The following DAB1 variants were observed in gnomAD, a reference collection of about 807,000 sequenced individuals.
DAB1 encodes disabled homolog 1.
A neutral mutation model predicts 64.6 loss-of-function variants in DAB1; 15 were observed. That is an observed-to-expected ratio of 0.23 (90% CI 0.16 to 0.36). DAB1 has a LOEUF of 0.36. DAB1 is among the 10% of genes least tolerant of loss of function. The pLI, the probability that DAB1 is intolerant of heterozygous loss-of-function variation, is 1.00. For missense variants in DAB1, 596 were observed against 706.7 expected, an observed-to-expected ratio of 0.84 and a Z score of 1.78; for synonymous variants, 235 against 251.9, an observed-to-expected ratio of 0.93 and a Z score of 0.64.
intron 6 of DAB1, among the ~76,000 whole-genome samples, chr1:57,787,971 A>G (rs1297933822): frequency 7.4e-6 from 1 of 134,990 alleles, no homozygotes; most frequent in Non-Finnish European, 1.6e-5. Context: ...ACCACTGCAT[A>G]CCTATTATGA....
chr1:57,849,582 T>G (rs1044875691), intron 1 of DAB1, among the ~76,000 whole-genome samples: 6 of 152,196 alleles, frequency 3.9e-5, no homozygotes, highest in African/African-American at 1.4e-4. Context: ...TTTCCCACTT[T>G]TAGAAAAGAA....
At chr1:58,461,135 G>C (rs1338326276) in intron 3 of DAB1, among the ~76,000 whole-genome samples, 1 of 152,126 alleles carries the variant, frequency 6.6e-6, no homozygotes, top group Admixed American at 6.5e-5. Flanking sequence ...TCTTCCATTA[G>C]TAAATTATTT....
intron 1 of DAB1, among the ~76,000 whole-genome samples, chr1:57,321,846 T>A (rs12128305): frequency 0.24 from 37,194 of 152,020 alleles, 5,782 homozygotes; most frequent in Non-Finnish European, 0.36. Flanking sequence ...ACCAACAAAA[T>A]TTTGCTCATC....
intron 5 of DAB1, among the ~76,000 whole-genome samples, chr1:58,092,591 A>C (rs1650735471): frequency 6.6e-6 from 1 of 152,208 alleles, no homozygotes; most frequent in Admixed American, 6.5e-5. Flanking sequence ...TTCATGGGCC[A>C]GGATTGTATC....
intron 4 of DAB1, among the ~76,000 whole-genome samples, chr1:58,280,556 T>A (rs1661533851): frequency 6.6e-6 from 1 of 152,228 alleles, no homozygotes; most frequent in Admixed American, 6.5e-5. Context: ...CTGACATACT[T>A]GGTAATTACC....
At chr1:57,206,999 G>A (rs752278931) in intron 2 of DAB1, among the ~76,000 whole-genome samples, 22 of 50,552 alleles carry the variant, frequency 4.4e-4, no homozygotes, top group Non-Finnish European at 5.6e-4. Flanking sequence ...TTGGAGTTTC[G>A]CTCTTGTTGC....
At chr1:58,252,057 T>C (rs554252658) in intron 4 of DAB1, among the ~76,000 whole-genome samples, 2 of 152,336 alleles carry the variant, frequency 1.3e-5, no homozygotes, top group Admixed American at 6.5e-5. Flanking sequence ...CTGGAAAATA[T>C]AAATAATAAT....
chr1:57,955,754 T>C (rs776246072), intron 5 of DAB1, among the ~76,000 whole-genome samples: 4 of 151,924 alleles, frequency 2.6e-5, no homozygotes, highest in Non-Finnish European at 1.5e-5. Flanking sequence ...ATGAGCTCCA[T>C]TGAGGTTTAA....
intron 2 of DAB1, among the ~76,000 whole-genome samples, chr1:57,210,289 C>A (rs1665901015): frequency 6.6e-6 from 1 of 151,950 alleles, no homozygotes; most frequent in Admixed American, 6.6e-5. Context: ...TTAAAAATAA[C>A]CAAAAGCACA....
chr1:58,467,039 T>A (rs997355700), intron 3 of DAB1, among the ~76,000 whole-genome samples: 2 of 152,208 alleles, frequency 1.3e-5, no homozygotes, highest in Non-Finnish European at 1.5e-5. Context: ...ATGTAGTGCC[T>A]CCCAGGGGAC....
At chr1:58,448,053 C>T (rs537215255) in intron 3 of DAB1, among the ~76,000 whole-genome samples, 11 of 152,222 alleles carry the variant, frequency 7.2e-5, no homozygotes, top group African/African-American at 2.4e-4. Flanking sequence ...CCAGGCATCA[C>T]ATAAGATAAC....
intron 4 of DAB1, among the ~76,000 whole-genome samples, chr1:58,313,819 A>ATGTGTGTGTGTG (rs35817738): frequency 5.0e-4 from 60 of 120,032 alleles, no homozygotes; most frequent in African/African-American, 1.6e-3. Context: ...TTGTATCTTC[A>ATGTGTGTGTGTG]TGTGTGTGTG....
chr1:57,263,747 T>C (rs1346557734), intron 2 of DAB1, among the ~76,000 whole-genome samples: 1 of 152,230 alleles, frequency 6.6e-6, no homozygotes, highest in Non-Finnish European at 1.5e-5. Flanking sequence ...GGATGTCATT[T>C]AGTCGGAGCC....
chr1:58,505,617 C>CT (rs551570340), intron 3 of DAB1, among the ~76,000 whole-genome samples: 31 of 151,756 alleles, frequency 2.0e-4, no homozygotes, highest in Non-Finnish European at 3.7e-4. Flanking sequence ...ATTTTTTTTC[C>CT]TAAAAAAACA....
At chr1:57,057,624 T>G (rs1649911481) in intron 9 of DAB1, among the ~76,000 whole-genome samples, 3 of 150,936 alleles carry the variant, frequency 2.0e-5, no homozygotes. Context: ...TTTTTTTTTT[T>G]GGAGACAGAG....
chr1:57,468,246 C>T (rs1449943061), intron 7 of DAB1, among the ~76,000 whole-genome samples: 1 of 152,010 alleles, frequency 6.6e-6, no homozygotes, highest in Non-Finnish European at 1.5e-5. Flanking sequence ...GGAGAAAGGG[C>T]ATTGTAGGGG....
At chr1:57,644,858 G>T (rs931252207) in intron 7 of DAB1, among the ~76,000 whole-genome samples, 8 of 152,264 alleles carry the variant, frequency 5.3e-5, no homozygotes, top group Non-Finnish European at 1.2e-4. Flanking sequence ...ATTGAGAGCA[G>T]TTCAGAATCC....
intron 6 of DAB1, among the ~76,000 whole-genome samples, chr1:57,658,340 G>C (rs1327640500): frequency 7.7e-6 from 1 of 130,146 alleles, no homozygotes; most frequent in Non-Finnish European, 1.6e-5. Context: ...GAGTCTCACT[G>C]TCGCCCAGGC....
At chr1:58,132,810 A>G (rs998797528) in intron 5 of DAB1, among the ~76,000 whole-genome samples, 21 of 152,174 alleles carry the variant, frequency 1.4e-4, no homozygotes, top group African/African-American at 4.6e-4. Flanking sequence ...CTGTAGCCTA[A>G]TAGGAGACTG....
Sources: gnomAD v4.1 joint callset for allele counts (sites outside exome capture counted in the v4.1 genomes callset) on GRCh38, gnomAD v4.1.1 for gene constraint, MANE v1.5 for transcripts, NCBI Gene and HGNC (gene_info 2026-07-23, HGNC 2026-07-21) for gene names.